Variants in ATP8B1 observed in about 807,000 individuals in gnomAD.
ATP8B1 encodes the protein ATPase phospholipid transporting 8B1, also known as phospholipid-transporting ATPase IC.
ATP8B1 carries 80 observed loss-of-function variants against 149.9 expected under a neutral mutation model. The ratio of observed to expected loss-of-function variants is 0.53; its 90% CI spans 0.45 to 0.64. The LOEUF (loss-of-function observed/expected upper bound fraction) is 0.64, where lower values mean the gene tolerates loss of function less well. ATP8B1 is among the 30% of genes least tolerant of loss of function. The pLI is 0.00. For synonymous variants in ATP8B1, 536 were observed against 562.8 expected, an observed-to-expected ratio of 0.95 and a Z score of 0.67; for missense variants, 1,247 against 1,552.6, an observed-to-expected ratio of 0.80 and a Z score of 3.31.
At chr18:57,781,743 G>T (rs1391363495) in intron 1 of ATP8B1, among the ~76,000 whole-genome samples, 11 of 152,318 alleles carry the variant, frequency 7.2e-5, no homozygotes, top group African/African-American at 2.6e-4. Flanking sequence ...GGGAGGCCGA[G>T]ATGGGAGGAT....
At chr18:57,783,366 C>T (rs998832868) in intron 1 of ATP8B1, among the ~76,000 whole-genome samples, 2 of 152,146 alleles carry the variant, frequency 1.3e-5, no homozygotes, top group Non-Finnish European at 2.9e-5. Flanking sequence ...TGATGACAGG[C>T]ACACAACAGG....
intron 1 of ATP8B1, among the ~76,000 whole-genome samples, chr18:57,783,783 TGAGATC>T (rs1420949419): frequency 6.6e-6 from 1 of 151,950 alleles, no homozygotes; most frequent in African/African-American, 2.4e-5. Context: ...TGCAGTGAGC[TGAGATC>T]GCGCCACTGA....
At chr18:57,781,480 C>T (rs981346347) in intron 1 of ATP8B1, among the ~76,000 whole-genome samples, 10 of 152,138 alleles carry the variant, frequency 6.6e-5, no homozygotes, top group African/African-American at 2.4e-4. Context: ...ATCCAGAGCT[C>T]AGAAAGATTA....
chr18:57,664,283 G>C (rs148501428), intron 20 of ATP8B1, among the ~76,000 whole-genome samples: 105 of 151,822 alleles, frequency 6.9e-4, no homozygotes, highest in African/African-American at 2.5e-3. Context: ...GAGACGGGCA[G>C]ATCAGTCGAG....
chr18:57,786,889 A>C (rs1055325473), intron 1 of ATP8B1, among the ~76,000 whole-genome samples: 18 of 152,244 alleles, frequency 1.2e-4, no homozygotes, highest in Non-Finnish European at 2.1e-4. Flanking sequence ...TGCTTGAAAG[A>C]GATACTCTTA....
chr18:57,670,849 G>A (rs1043833205), intron 17 of ATP8B1, among the ~76,000 whole-genome samples: 1 of 151,888 alleles, frequency 6.6e-6, no homozygotes, highest in Non-Finnish European at 1.5e-5. Context: ...TGGGATTACA[G>A]GTGCCCACCA....
At chr18:57,746,506 C>T (rs1212828921) in intron 1 of ATP8B1, among the ~76,000 whole-genome samples, 2 of 133,562 alleles carry the variant, frequency 1.5e-5, no homozygotes, top group Non-Finnish European at 3.1e-5. Flanking sequence ...CAGAGTCTCA[C>T]TCTGTCTCCC....
In ATP8B1 at chr18:57,782,803, C is replaced by CTTTTTTTTTTTT. The variant is rs79009229; in HGVS notation, c.-26+20183_-26+20194dup. Among the ~76,000 whole-genome samples the CTTTTTTTTTTTT allele has an allele frequency of 1.6e-3, 150 of 91,144 alleles. 21 individuals are homozygous for CTTTTTTTTTTTT. The highest frequency in any genetic ancestry group is 5.1e-3 in the African/African-American group (104 of 20,502). The allele number at this position is 91,144 out of a possible 152,430, so 59.8% of individuals were successfully genotyped here. ...GGCTCAGATTAATTCTAGTTTGTCT[C>CTTTTTTTTTTTT]TTTTTTTTTTTTTTTTTTTTTTTTT... On this transcript the variant is annotated intron_variant, in intron 1 of 27. Transcript: ENST00000648908.
At chr18:57,726,852 G>A (rs1267370420) in intron 2 of ATP8B1, among the ~76,000 whole-genome samples, 1 of 152,204 alleles carries the variant, frequency 6.6e-6, no homozygotes. Flanking sequence ...GGCCAGGGTG[G>A]GCGAATCACC....
intron 1 of ATP8B1, among the ~76,000 whole-genome samples, chr18:57,780,014 AAAT>A (rs2080344070): frequency 1.3e-5 from 2 of 152,340 alleles, no homozygotes; most frequent in Admixed American, 1.3e-4. Context: ...CACGGCATAT[AAAT>A]GTTAGAGCTT....
At chr18:57,777,006 T>C (rs949870311) in intron 1 of ATP8B1, among the ~76,000 whole-genome samples, 1 of 150,764 alleles carries the variant, frequency 6.6e-6, no homozygotes, top group Non-Finnish European at 1.5e-5. Flanking sequence ...TTAAATAGGG[T>C]ATCACTGTCG....
At chr18:57,750,776 G>A (rs1273497547) in intron 1 of ATP8B1, among the ~76,000 whole-genome samples, 1 of 152,152 alleles carries the variant, frequency 6.6e-6, no homozygotes, top group Non-Finnish European at 1.5e-5. Context: ...CACTAACCAT[G>A]ACAGCTAACT....
intron 2 of ATP8B1, among the ~76,000 whole-genome samples, chr18:57,729,496 T>C (rs1395799152): frequency 6.6e-6 from 1 of 152,010 alleles, no homozygotes; most frequent in South Asian, 2.1e-4. Context: ...GGACCTGTTA[T>C]GACAGAGGCC....
Position 57,648,508 on chromosome 18 carries a change from T to C in ATP8B1, c.3736A>G (p.Arg1246Gly), listed in dbSNP as rs915242210. 14 of 1,611,242 alleles carry C rather than the reference T, an allele frequency of 8.7e-6. No individual in the cohort carries two copies. Among genetic ancestry groups the C allele is most frequent in the African/African-American group, 2.7e-5 (2 of 74,884 alleles). ...AIVADGTAEY[R>G]RTGDS ...AGGGATCAGCTGTCCCCGGTGCGCC[T>C]GTACTCCGCGGTGCCATCCGCCACG... Residue 1246 changes from arginine (R) to glycine (G), a missense_variant, in exon 28 of 28, where the codon AGG (arginine) becomes GGG (glycine). Arg to Gly is a moderately radical substitution (Grantham distance 125). This residue lies in a region of ATP8B1 where 164 missense variants were observed against 160.3 expected (regional missense o/e 1.02). Transcript: ENST00000648908.
intron 2 of ATP8B1, among the ~76,000 whole-genome samples, chr18:57,717,646 A>C (rs1272658957): frequency 6.6e-6 from 1 of 151,330 alleles, no homozygotes; most frequent in Non-Finnish European, 1.5e-5. Context: ...AGAAATAATA[A>C]AGATCAAAGC....
At chr18:57,680,141 G>A (rs1911857494) in intron 15 of ATP8B1, among the ~76,000 whole-genome samples, 1 of 151,556 alleles carries the variant, frequency 6.6e-6, no homozygotes, top group South Asian at 2.1e-4. Flanking sequence ...GCCAGGGTTT[G>A]GTGTGGGCGC....
intron 1 of ATP8B1, among the ~76,000 whole-genome samples, chr18:57,786,209 T>C (rs1005153632): frequency 5.9e-5 from 9 of 152,056 alleles, no homozygotes; most frequent in African/African-American, 1.9e-4. Flanking sequence ...CACAGACAAA[T>C]AGACCAGCAA....
At chr18:57,667,011 A>G (rs1328249837) in intron 20 of ATP8B1, 81 bp downstream of exon 20, 2 of 1,300,320 alleles carry the variant, frequency 1.5e-6, no homozygotes, top group Non-Finnish European at 2.2e-6. Flanking sequence ...CTATTTCTTC[A>G]TATCTGCTAT....
At chr18:57,744,852 A>G (rs1026879199) in intron 1 of ATP8B1, among the ~76,000 whole-genome samples, 2 of 152,230 alleles carry the variant, frequency 1.3e-5, no homozygotes, top group African/African-American at 4.8e-5. Flanking sequence ...TCTGGAACAA[A>G]ATATAAACTT....
Sources: allele counts gnomAD v4.1 joint callset (sites outside exome capture counted in the v4.1 genomes callset), GRCh38; gene constraint gnomAD v4.1.1; regional missense constraint gnomAD v4.1.1; transcripts MANE v1.5; gene names NCBI Gene and HGNC (gene_info 2026-07-23, HGNC 2026-07-21).